Variants in RSBN1L observed in about 807,000 individuals in gnomAD.
RSBN1L encodes the protein lysine-specific demethylase RSBN1L.
Under a neutral mutation model 67.7 loss-of-function variants are expected in RSBN1L, and 30 were observed. That is an observed-to-expected ratio of 0.44 (90% CI 0.33 to 0.60). The LOEUF (loss-of-function observed/expected upper bound fraction) is 0.60, where lower values mean the gene tolerates loss of function less well. Among genes scored for constraint, RSBN1L ranks in the 20% least tolerant of loss-of-function variants. The pLI, the probability that RSBN1L is intolerant of heterozygous loss-of-function variation, is 0.02. For missense variants in RSBN1L, 992 were observed against 1,031.7 expected (o/e 0.96, Z 0.53); for synonymous variants, 433 against 387.0 (o/e 1.12, Z -1.39).
At chr7:77,760,285 G>C (rs780956848) in intron 3 of RSBN1L, among the ~76,000 whole-genome samples, 1 of 152,018 alleles carries the variant, frequency 6.6e-6, no homozygotes. Context: ...TCAGATTTTG[G>C]TATTGACACT....
Position 77,779,389 on chromosome 7 carries a change from A to T in RSBN1L, c.*221A>T. On this transcript the variant is annotated 3_prime_UTR_variant, in exon 8 of 8. Coordinates refer to ENST00000334955, the MANE Select transcript of RSBN1L (RefSeq NM_198467.3). Reference sequence around the variant, plus strand: ...CAGGTTTAAACATAAAGGAGTCTTTAAAAAAAAATCATTTACGTTGGAATT... The same window carrying T: ...CAGGTTTAAACATAAAGGAGTCTTTTAAAAAAAATCATTTACGTTGGAATT... The T allele has an allele frequency of 3.6e-6, 1 of 277,720 alleles. No homozygotes were observed. Among genetic ancestry groups the T allele is most frequent in the African/African-American group, 2.2e-5 (1 of 44,698 alleles). The allele number at this position is 277,720 out of a possible 1,614,324, so 17.2% of individuals were successfully genotyped here. A position where few individuals can be genotyped will look rare whatever the true frequency, so the allele number is the denominator to read the frequency against.
chr7:77,729,411 T>G (rs538981586), intron 1 of RSBN1L, among the ~76,000 whole-genome samples: 1 of 152,336 alleles, frequency 6.6e-6, no homozygotes, highest in East Asian at 1.9e-4. Context: ...TGAATTTTAT[T>G]GAAACCAGAT....
chr7:77,746,642 A>G (rs1159116928), intron 2 of RSBN1L, among the ~76,000 whole-genome samples: 1 of 152,120 alleles, frequency 6.6e-6, no homozygotes, highest in Admixed American at 6.5e-5. Context: ...CATTAACCCA[A>G]AAGTTCAAAG....
At chr7:77,743,713 T>C (rs1167963117) in intron 2 of RSBN1L, among the ~76,000 whole-genome samples, 4 of 152,216 alleles carry the variant, frequency 2.6e-5, no homozygotes, top group Non-Finnish European at 5.9e-5. Context: ...TTGGCAACAA[T>C]TGCGTAATTT....
intron 1 of RSBN1L, among the ~76,000 whole-genome samples, chr7:77,703,302 G>T (rs977066360): frequency 4.6e-5 from 7 of 151,696 alleles, no homozygotes; most frequent in Non-Finnish European, 2.9e-5. Context: ...GCTTTTCTGG[G>T]GTATTGCAGG....
At chr7:77,726,292 C>G (rs568202897) in intron 1 of RSBN1L, among the ~76,000 whole-genome samples, 1 of 152,268 alleles carries the variant, frequency 6.6e-6, no homozygotes, top group Non-Finnish European at 1.5e-5. Context: ...GGATCCCATC[C>G]AGGATACTGT....
intron 1 of RSBN1L, among the ~76,000 whole-genome samples, chr7:77,707,052 C>T (rs1261387723): frequency 7.0e-6 from 1 of 142,070 alleles, no homozygotes; most frequent in Non-Finnish European, 1.5e-5. Context: ...GAAACAGAGT[C>T]TCACTCTGTC....
At position 77,751,962 on chromosome 7, in the gene RSBN1L, G is replaced by T. The variant is rs1416917921; in HGVS notation, c.1344+1898G>T. Among the ~76,000 whole-genome samples, 8 of 152,212 alleles carry T rather than the reference G, an allele frequency of 5.3e-5. No homozygotes were observed. In the East Asian group the frequency reaches 1.3e-3, roughly 26 times the overall value. On this transcript the variant is annotated intron_variant, in intron 3 of 7. Coordinates refer to ENST00000334955, the MANE Select transcript of RSBN1L (RefSeq NM_198467.3). ...AACCTTTTAAATGTGACAGTACATT[G>T]ATGTGCATCACATTACATGCTTTTC...
intron 1 of RSBN1L, among the ~76,000 whole-genome samples, chr7:77,717,970 G>C (rs1217267593): frequency 6.6e-6 from 1 of 152,252 alleles, no homozygotes; most frequent in Non-Finnish European, 1.5e-5. Context: ...AGTGAGCCGA[G>C]ATCGTGCTGC....
At chr7:77,719,103 A>C (rs1468737130) in intron 1 of RSBN1L, among the ~76,000 whole-genome samples, 4 of 152,190 alleles carry the variant, frequency 2.6e-5, no homozygotes, top group African/African-American at 9.7e-5. Flanking sequence ...AAGTCTTCTT[A>C]TGACTTAGCT....
chr7:77,716,735 G>C (rs771188934), intron 1 of RSBN1L, among the ~76,000 whole-genome samples: 4 of 143,356 alleles, frequency 2.8e-5, no homozygotes, highest in Non-Finnish European at 6.0e-5. Context: ...GTGTTCAAGC[G>C]ATTGTCCTGC....
At position 77,779,040 on chromosome 7, in the gene RSBN1L, A is replaced by G. The variant is rs1791958278; in HGVS notation, c.2413A>G (p.Lys805Glu). The G allele has an allele frequency of 1.2e-6, 2 of 1,614,074 alleles. No individual in the cohort carries two copies. The highest frequency in any genetic ancestry group is 1.7e-6 in the Non-Finnish European group (2 of 1,179,964). ...AGAATTTAAGATTGACATGGATTCTAAATTTGAAAATAGCAACAAAGATTT... is the reference window on the plus strand; with the variant it reads ...AGAATTTAAGATTGACATGGATTCTGAATTTGAAAATAGCAACAAAGATTT... ...FAEFKIDMDS[K>E]FENSNKDLKE... The change falls in exon 8 of 8, where the codon AAA becomes GAA. Residue 805 changes from lysine (K) to glutamate (E), a missense_variant. Coordinates refer to ENST00000334955, the MANE Select transcript of RSBN1L (RefSeq NM_198467.3).
At chr7:77,773,375 A>G in intron 6 of RSBN1L, 61 bp downstream of exon 6, 1 of 1,237,078 alleles carries the variant, frequency 8.1e-7, no homozygotes, top group Non-Finnish European at 1.1e-6. Context: ...TTTTTCTTGG[A>G]AAATCTTAGT....
At position 77,778,374 on chromosome 7, in the gene RSBN1L, T is replaced by C. The variant is rs751500133; in HGVS notation, c.1830T>C (p.Cys610=). 2 of 1,613,212 alleles carry C rather than the reference T, an allele frequency of 1.2e-6. No homozygotes were observed. The highest frequency in any genetic ancestry group is 2.2e-5 in the South Asian group (2 of 90,834). ...CCCGTATAACCAAAGATGTAATTTGTTTTCATGCTGAAGATTTCTTAGAAG... is the reference window on the plus strand; with the variant it reads ...CCCGTATAACCAAAGATGTAATTTGCTTTCATGCTGAAGATTTCTTAGAAG... ...DQPRITKDVI[C]FHAEDFLEVV... is the part of the protein sequence containing the mutation. Residue 610 remains cysteine (C), a synonymous_variant, in exon 7 of 8, where the codon TGT becomes TGC. Transcript: ENST00000334955.
intron 1 of RSBN1L, among the ~76,000 whole-genome samples, chr7:77,716,399 C>T (rs2150414829): frequency 6.7e-6 from 1 of 149,264 alleles, no homozygotes; most frequent in Admixed American, 6.7e-5. Flanking sequence ...GATCATGGCT[C>T]ACTGCAGCCT....
intron 1 of RSBN1L, among the ~76,000 whole-genome samples, chr7:77,703,688 A>T (rs536417192): frequency 6.6e-6 from 1 of 151,878 alleles, no homozygotes; most frequent in Non-Finnish European, 1.5e-5. Flanking sequence ...GGGTTTCACT[A>T]TGTTGGCCAG....
rs1173154183 is a variant in RSBN1L at position 77,739,739 on chromosome 7, CTTTTTTT to C, written c.703+3236_703+3242del. Among the ~76,000 whole-genome samples the C allele has an allele frequency of 9.6e-3, 409 of 42,628 alleles. 8 individuals are homozygous for C. Among genetic ancestry groups the C allele is most frequent in the Middle Eastern group, 0.023 (1 of 44 alleles). The allele number at this position is 42,628 out of a possible 152,430, so 28.0% of individuals were successfully genotyped here. On this transcript the variant is annotated intron_variant, in intron 2 of 7. Coordinates refer to ENST00000334955, the MANE Select transcript of RSBN1L (RefSeq NM_198467.3). The stretch of plus-strand genomic sequence containing the variant: ...AAAAAAAAAAAAAAAAAAAATGTGT[CTTTTTTT>C]TTTTTTTTTTTTTTTTTTTTTTGAG...
chr7:77,699,172 T>G (rs1790780502), intron 1 of RSBN1L, among the ~76,000 whole-genome samples: 1 of 152,226 alleles, frequency 6.6e-6, no homozygotes, highest in Non-Finnish European at 1.5e-5. Flanking sequence ...TTTTTAGTGT[T>G]GCCCTAAGTT....
chr7:77,771,528 G>C (rs1188743214), intron 5 of RSBN1L, among the ~76,000 whole-genome samples: 1 of 52,180 alleles, frequency 1.9e-5, no homozygotes, highest in South Asian at 6.2e-4. Context: ...TTTTTTTTTT[G>C]AGATAGAGTC....
Sources: gnomAD v4.1 joint callset for allele counts (sites outside exome capture counted in the v4.1 genomes callset) on GRCh38, gnomAD v4.1.1 for gene constraint, MANE v1.5 for transcripts, NCBI Gene and HGNC (gene_info 2026-07-23, HGNC 2026-07-21) for gene names.